The following ADGRL3 variants were observed in gnomAD, a reference collection of about 807,000 sequenced individuals.
ADGRL3 encodes the protein adhesion G protein-coupled receptor L3.
Under a neutral mutation model 153.5 loss-of-function variants are expected in ADGRL3, and 62 were observed. That is an observed-to-expected ratio of 0.40 (90% CI 0.33 to 0.50). The LOEUF (loss-of-function observed/expected upper bound fraction) is 0.50, where lower values mean the gene tolerates loss of function less well. ADGRL3 is among the 20% of genes least tolerant of loss of function. ADGRL3 has a pLI of 0.47. For missense variants in ADGRL3, 1,641 were observed against 1,859.4 expected (o/e 0.88, Z 2.16); for synonymous variants, 710 against 672.5 (o/e 1.06, Z -0.86).
At chr4:61,769,596 G>T (rs572399781) in intron 8 of ADGRL3, among the ~76,000 whole-genome samples, 1 of 152,094 alleles carries the variant, frequency 6.6e-6, no homozygotes, top group Non-Finnish European at 1.5e-5. Flanking sequence ...GAGCAACATG[G>T]CTGTTGCTCA....
chr4:61,499,575 G>T (rs1226888289), intron 3 of ADGRL3, among the ~76,000 whole-genome samples: 6 of 152,040 alleles, frequency 3.9e-5, no homozygotes, highest in Non-Finnish European at 5.9e-5. Context: ...ATGTAGTACA[G>T]TGCATAGAAA....
chr4:61,419,707 C>T (rs2097180796), intron 2 of ADGRL3, among the ~76,000 whole-genome samples: 1 of 152,084 alleles, frequency 6.6e-6, no homozygotes, highest in Non-Finnish European at 1.5e-5. Context: ...CAATTTTTAG[C>T]AGCATTGTAA....
At chr4:61,681,174 T>A (rs2095326569) in intron 6 of ADGRL3, among the ~76,000 whole-genome samples, 1 of 152,136 alleles carries the variant, frequency 6.6e-6, no homozygotes. Flanking sequence ...CATCTAGAGC[T>A]GCCTTCATTC....
intron 1 of ADGRL3, among the ~76,000 whole-genome samples, chr4:61,370,069 G>A (rs1352082018): frequency 6.6e-6 from 1 of 151,956 alleles, no homozygotes. Context: ...TGGGATCGGT[G>A]GTGATATCCC....
chr4:61,823,716 T>A (rs916541825), intron 9 of ADGRL3, among the ~76,000 whole-genome samples: 2 of 152,188 alleles, frequency 1.3e-5, no homozygotes, highest in Non-Finnish European at 2.9e-5. Flanking sequence ...TGGCAGTTTT[T>A]CATGTATATG....
intron 25 of ADGRL3, among the ~76,000 whole-genome samples, chr4:62,060,503 T>A (rs1183247769): frequency 6.6e-6 from 1 of 151,960 alleles, no homozygotes; most frequent in East Asian, 1.9e-4. Context: ...ACCTTTCATT[T>A]TCTATTTAAA....
intron 1 of ADGRL3, among the ~76,000 whole-genome samples, chr4:61,231,807 A>G (rs1750776756): frequency 6.6e-6 from 1 of 152,116 alleles, no homozygotes; most frequent in Admixed American, 6.6e-5. Context: ...AATATAAATT[A>G]ATAAAAGGTA....
In ADGRL3 at chr4:61,906,992, G is replaced by A. The variant is rs145556010; in HGVS notation, c.1888-2568G>A. Among the ~76,000 whole-genome samples the A allele has an allele frequency of 2.6e-4, 39 of 151,980 alleles. No individual in the cohort carries two copies. The East Asian group carries it at 7.6e-3, about 30-fold the overall frequency. On this transcript the variant is annotated intron_variant, in intron 11 of 26. Coordinates refer to ENST00000683033, the MANE Select transcript of ADGRL3 (RefSeq NM_001387552.1). ...TCTTTATGTTCCCATGTTCTGTGTT[G>A]GACTGCCTTTAAAAAGGGGAAGAAA...
At position 61,206,985 on chromosome 4, in the gene ADGRL3, A is replaced by T. The variant is rs531642575; in HGVS notation, c.-240+5220A>T. 1.9e-3 allele frequency among the ~76,000 whole-genome samples: 281 copies of T among 151,026 alleles called. 2 individuals are homozygous for T. The highest frequency in any genetic ancestry group is 6.8e-3 in the Middle Eastern group (2 of 294). ...TCCACAGACCAAGACTGTGTCTCAA[A>T]AAATAAATAAATAAATAAATAAATA... On this transcript the variant is annotated intron_variant, in intron 1 of 26. Coordinates refer to ENST00000683033, the MANE Select transcript of ADGRL3 (RefSeq NM_001387552.1).
chr4:61,958,525 A>T (rs1581636080), intron 17 of ADGRL3, among the ~76,000 whole-genome samples: 1 of 152,190 alleles, frequency 6.6e-6, no homozygotes, highest in East Asian at 1.9e-4. Flanking sequence ...AAGGAAAGAG[A>T]TTTAATTGAC....
chr4:61,809,128 G>A (rs956538824), intron 8 of ADGRL3, among the ~76,000 whole-genome samples: 16 of 152,074 alleles, frequency 1.1e-4, no homozygotes, highest in African/African-American at 3.9e-4. Flanking sequence ...AAATCTGCCT[G>A]GAGGACCATC....
At position 61,615,445 on chromosome 4, in the gene ADGRL3, G is replaced by A. The variant is rs374510469; in HGVS notation, c.473+28005G>A. On this transcript the variant is annotated intron_variant, in intron 5 of 26. Transcript: ENST00000683033. ...GAAGAAAAACGCCTTGCAATATTAA[G>A]GGGAAGCTTCAAAAAAGGGGTGATA... Among the ~76,000 whole-genome samples, 59 of 152,138 alleles carry A rather than the reference G, an allele frequency of 3.9e-4. No homozygotes were observed. The East Asian group carries it at 9.5e-3, about 24-fold the overall frequency.
intron 5 of ADGRL3, among the ~76,000 whole-genome samples, chr4:61,611,585 C>CT (rs1171295961): frequency 6.6e-6 from 1 of 151,940 alleles, no homozygotes; most frequent in Non-Finnish European, 1.5e-5. Flanking sequence ...CAGTAAATAT[C>CT]TTTTTTTACA....
chr4:61,605,460 G>C (rs940624400), intron 5 of ADGRL3, among the ~76,000 whole-genome samples: 1 of 152,152 alleles, frequency 6.6e-6, no homozygotes, highest in Non-Finnish European at 1.5e-5. Context: ...ATACTAAATA[G>C]ATAATGTGAT....
At chr4:61,546,338 G>C (rs1239184984) in intron 4 of ADGRL3, among the ~76,000 whole-genome samples, 2 of 152,170 alleles carry the variant, frequency 1.3e-5, no homozygotes, top group Admixed American at 1.3e-4. Flanking sequence ...ATGCTGGCTT[G>C]CACTGACCTG....
At chr4:61,361,427 A>T (rs957745565) in intron 1 of ADGRL3, among the ~76,000 whole-genome samples, 2 of 152,200 alleles carry the variant, frequency 1.3e-5, no homozygotes, top group Non-Finnish European at 2.9e-5. Flanking sequence ...AGTATAAATA[A>T]CATTATACTA....
chr4:61,949,646 G>A (rs1192325151), intron 17 of ADGRL3, among the ~76,000 whole-genome samples: 1 of 151,884 alleles, frequency 6.6e-6, no homozygotes, highest in Admixed American at 6.6e-5. Context: ...AGTGAGCCGA[G>A]ATCGCACCAG....
intron 1 of ADGRL3, among the ~76,000 whole-genome samples, chr4:61,334,316 G>T (rs1161684254): frequency 6.6e-6 from 1 of 152,132 alleles, no homozygotes; most frequent in African/African-American, 2.4e-5. Context: ...TTGATAAGAG[G>T]ATCTACCCTG....
chr4:61,728,725 T>C (rs1370649024), intron 6 of ADGRL3, among the ~76,000 whole-genome samples: 1 of 152,102 alleles, frequency 6.6e-6, no homozygotes, highest in Non-Finnish European at 1.5e-5. Context: ...AAAACTTCTT[T>C]GTAGGCTAGT....
Sources: allele counts gnomAD v4.1 joint callset (sites outside exome capture counted in the v4.1 genomes callset), GRCh38; gene constraint gnomAD v4.1.1; transcripts MANE v1.5; gene names NCBI Gene and HGNC (gene_info 2026-07-23, HGNC 2026-07-21).